Variants in PDE7B observed in about 807,000 individuals in gnomAD.
The protein encoded by PDE7B is 3',5'-cyclic-AMP phosphodiesterase 7B.
PDE7B carries 29 observed loss-of-function variants against 56.2 expected under a neutral mutation model. The ratio of observed to expected loss-of-function variants is 0.52; its 90% CI spans 0.38 to 0.70. PDE7B has a LOEUF of 0.70. Among genes scored for constraint, PDE7B ranks in the 30% least tolerant of loss-of-function variants. The pLI, the probability that PDE7B is intolerant of heterozygous loss-of-function variation, is 0.00. For synonymous variants in PDE7B, 197 were observed against 196.9 expected (o/e 1.00, Z 0.00); for missense variants, 490 against 565.0 (o/e 0.87, Z 1.35).
At chr6:136,022,320 G>A (rs1036957776) in intron 2 of PDE7B, among the ~76,000 whole-genome samples, 8 of 152,160 alleles carry the variant, frequency 5.3e-5, no homozygotes, top group African/African-American at 1.9e-4. Context: ...AGTCTGACTT[G>A]TTCAAAACTT....
chr6:135,914,086 A>T (rs1461318937), intron 1 of PDE7B, among the ~76,000 whole-genome samples: 1 of 152,164 alleles, frequency 6.6e-6, no homozygotes, highest in Non-Finnish European at 1.5e-5. Flanking sequence ...CTGTGGCTTT[A>T]AGCCTTGTCA....
chr6:136,103,170 A>G (rs974507416), intron 2 of PDE7B, among the ~76,000 whole-genome samples: 7 of 152,316 alleles, frequency 4.6e-5, no homozygotes, highest in South Asian at 2.1e-4. Context: ...CTACTTAGCC[A>G]GTTCAGCACA....
intron 8 of PDE7B, among the ~76,000 whole-genome samples, chr6:136,156,544 T>C (rs1003978682): frequency 2.6e-5 from 4 of 151,854 alleles, no homozygotes; most frequent in African/African-American, 9.7e-5. Flanking sequence ...TAGGGAGAAA[T>C]TGGGGTATAG....
At position 136,151,651 on chromosome 6, in the gene PDE7B, A is replaced by G. The variant is rs1583910823; in HGVS notation, c.478+396A>G. 2.9e-5 allele frequency among the ~76,000 whole-genome samples: 4 copies of G among 138,574 alleles called. No homozygotes were observed. In the East Asian group the frequency reaches 6.5e-4, roughly 22 times the overall value. The allele number at this position is 138,574 out of a possible 152,430, so 90.9% of individuals were successfully genotyped here. A position where few individuals can be genotyped will look rare whatever the true frequency, so the allele number is the denominator to read the frequency against. On this transcript the variant is annotated intron_variant, in intron 6 of 12. Coordinates refer to ENST00000308191, the MANE Select transcript of PDE7B (RefSeq NM_018945.4). ...TTGTATTCTTATAATAAAGTAAGATAGAGAAAAGAAAATGTTCTTTTAAAA... is the reference window on the plus strand; with the variant it reads ...TTGTATTCTTATAATAAAGTAAGATGGAGAAAAGAAAATGTTCTTTTAAAA...
At chr6:136,089,646 TGAATG>T (rs1777353397) in intron 2 of PDE7B, among the ~76,000 whole-genome samples, 1 of 152,174 alleles carries the variant, frequency 6.6e-6, no homozygotes, top group Non-Finnish European at 1.5e-5. Flanking sequence ...AAACAAGAAA[TGAATG>T]GAAATGAGTT....
intron 2 of PDE7B, among the ~76,000 whole-genome samples, chr6:136,042,300 T>C (rs1339172343): frequency 6.6e-6 from 1 of 152,172 alleles, no homozygotes; most frequent in African/African-American, 2.4e-5. Flanking sequence ...TGAGGACAAA[T>C]ATGATGCTAA....
Position 135,911,004 on chromosome 6 carries a change from T to G in PDE7B, c.22-36460T>G, listed in dbSNP as rs1376615814. Among the ~76,000 whole-genome samples, 3 of 152,336 alleles carry G rather than the reference T, an allele frequency of 2.0e-5. No homozygotes were observed. In the South Asian group the frequency reaches 6.2e-4, roughly 32 times the overall value. On this transcript the variant is annotated intron_variant, in intron 1 of 12. Coordinates refer to ENST00000308191, the MANE Select transcript of PDE7B (RefSeq NM_018945.4). ...AAAAAACAGATTGGTGGGGCAGTAA[T>G]TATGCAGTTGATAACACAAGGCTCT...
intron 3 of PDE7B, among the ~76,000 whole-genome samples, chr6:136,113,521 G>A (rs1016959799): frequency 3.9e-5 from 6 of 152,262 alleles, no homozygotes; most frequent in Admixed American, 3.3e-4. Flanking sequence ...GTGGGACATA[G>A]GAAAGATAGA....
At chr6:135,931,980 CACAT>C (rs1266198787) in intron 1 of PDE7B, among the ~76,000 whole-genome samples, 7 of 150,116 alleles carry the variant, frequency 4.7e-5, no homozygotes, top group South Asian at 2.1e-4. Flanking sequence ...CACACACACA[CACAT>C]AGGTATATAC....
intron 1 of PDE7B, among the ~76,000 whole-genome samples, chr6:135,914,443 G>A (rs1039316956): frequency 1.4e-5 from 2 of 147,026 alleles, no homozygotes; most frequent in African/African-American, 4.9e-5. Flanking sequence ...GAATCATACA[G>A]CAGATAGCTT....
At chr6:136,167,635 C>T (rs1034778103) in intron 8 of PDE7B, among the ~76,000 whole-genome samples, 26 of 152,134 alleles carry the variant, frequency 1.7e-4, no homozygotes, top group Non-Finnish European at 3.2e-4. Context: ...AGCATGAAAA[C>T]GGACTAATAT....
At chr6:135,945,716 A>G (rs1348791862) in intron 1 of PDE7B, among the ~76,000 whole-genome samples, 1 of 152,166 alleles carries the variant, frequency 6.6e-6, no homozygotes, top group African/African-American at 2.4e-5. Flanking sequence ...GAACTGTAAA[A>G]GAAAGAGGAA....
chr6:136,128,735 T>C (rs1165891178), intron 3 of PDE7B, among the ~76,000 whole-genome samples: 1 of 152,166 alleles, frequency 6.6e-6, no homozygotes, highest in South Asian at 2.1e-4. Context: ...ATAACGCATA[T>C]ATGGCTGAAG....
chr6:136,047,949 GA>G (rs1004682543), intron 2 of PDE7B, among the ~76,000 whole-genome samples: 1 of 152,206 alleles, frequency 6.6e-6, no homozygotes, highest in Non-Finnish European at 1.5e-5. Context: ...GAACGTAGAG[GA>G]AGAATCAAAA....
intron 12 of PDE7B, among the ~76,000 whole-genome samples, chr6:136,189,499 G>A (rs1382549739): frequency 6.6e-6 from 1 of 152,116 alleles, no homozygotes; most frequent in African/African-American, 2.4e-5. Flanking sequence ...TGAGCCCAAG[G>A]GGTCAAGGCT....
chr6:135,857,552 G>A (rs1420356590), intron 1 of PDE7B, among the ~76,000 whole-genome samples: 3 of 152,052 alleles, frequency 2.0e-5, no homozygotes, highest in Non-Finnish European at 4.4e-5. Context: ...CCATATGCCT[G>A]GATTGGTCAA....
intron 2 of PDE7B, among the ~76,000 whole-genome samples, chr6:136,090,538 C>T (rs1161619762): frequency 1.3e-5 from 2 of 152,078 alleles, no homozygotes; most frequent in African/African-American, 2.4e-5. Flanking sequence ...TTAATGTCAT[C>T]GATAAATATT....
At chr6:136,109,086 C>T (rs543953856) in intron 3 of PDE7B, among the ~76,000 whole-genome samples, 10 of 152,184 alleles carry the variant, frequency 6.6e-5, no homozygotes, top group South Asian at 2.1e-4. Flanking sequence ...TGGTGGCTCA[C>T]GCCTGTAATC....
At chr6:136,148,036 ATG>A (rs1447951890) in intron 4 of PDE7B, among the ~76,000 whole-genome samples, 1 of 152,230 alleles carries the variant, frequency 6.6e-6, no homozygotes, top group Non-Finnish European at 1.5e-5. Context: ...GTGGAAATTA[ATG>A]TGTGACCATC....
Sources: gnomAD v4.1 joint callset for allele counts (sites outside exome capture counted in the v4.1 genomes callset) on GRCh38, gnomAD v4.1.1 for gene constraint, MANE v1.5 for transcripts, NCBI Gene and HGNC (gene_info 2026-07-23, HGNC 2026-07-21) for gene names.